CTNNA2: variants seen among roughly 807,000 people sequenced by gnomAD.
CTNNA2 encodes the protein catenin alpha 2, also known as catenin alpha-2.
A neutral mutation model predicts 101.0 loss-of-function variants in CTNNA2; 42 were observed. That is an observed-to-expected ratio of 0.42 (90% CI 0.32 to 0.54). CTNNA2 has a LOEUF of 0.54. CTNNA2 is among the 20% of genes least tolerant of loss of function. The probability of loss-of-function intolerance (pLI) is 0.14; values close to 1 mark genes in which losing one functional copy is unlikely to be tolerated. For synonymous variants in CTNNA2, 450 were observed against 456.4 expected (o/e 0.99, Z 0.18); for missense variants, 871 against 1,223.1 (o/e 0.71, Z 4.29).
At chr2:79,260,652 G>T (rs551299217) in intron 2 of CTNNA2, among the ~76,000 whole-genome samples, 167 of 152,174 alleles carry the variant, frequency 1.1e-3, no homozygotes, top group African/African-American at 3.9e-3. Context: ...TTGTCTTCAG[G>T]TTCGCACATT....
intron 4 of CTNNA2, among the ~76,000 whole-genome samples, chr2:79,394,233 T>G (rs1678206162): frequency 6.6e-6 from 1 of 152,212 alleles, no homozygotes; most frequent in Non-Finnish European, 1.5e-5. Flanking sequence ...TCTCTGACAA[T>G]CACTGAGTTT....
intron 4 of CTNNA2, among the ~76,000 whole-genome samples, chr2:79,419,551 C>G (rs1184729078): frequency 6.6e-6 from 1 of 152,024 alleles, no homozygotes; most frequent in Non-Finnish European, 1.5e-5. Context: ...AAAGCCAAAA[C>G]TGCTCAAAAT....
chr2:80,356,234 G>C (rs1183131623), intron 7 of CTNNA2, among the ~76,000 whole-genome samples: 1 of 152,168 alleles, frequency 6.6e-6, no homozygotes, highest in Non-Finnish European at 1.5e-5. Flanking sequence ...AACCAGGTAA[G>C]TGGATTTAAC....
intron 18 of CTNNA2, 106 bp from the exon 19 acceptor site, chr2:80,647,479 T>G (rs1674234096): frequency 2.9e-6 from 3 of 1,026,260 alleles, no homozygotes; most frequent in African/African-American, 3.2e-5. Flanking sequence ...GCAATACTAT[T>G]TATTTGCACA....
chr2:80,041,466 G>C (rs1427222130), intron 7 of CTNNA2, among the ~76,000 whole-genome samples: 5 of 152,142 alleles, frequency 3.3e-5, no homozygotes, highest in Non-Finnish European at 7.4e-5. Context: ...AGGTTGAATA[G>C]AAAGCACCCA....
chr2:80,183,484 T>C (rs527330664), intron 7 of CTNNA2, among the ~76,000 whole-genome samples: 7 of 152,222 alleles, frequency 4.6e-5, no homozygotes, highest in Non-Finnish European at 1.0e-4. Context: ...ATATTCCTCT[T>C]TGATACATTC....
At chr2:79,717,265 T>C (rs1456863007) in intron 2 of CTNNA2, among the ~76,000 whole-genome samples, 1 of 152,190 alleles carries the variant, frequency 6.6e-6, no homozygotes, top group African/African-American at 2.4e-5. Context: ...ACAGGCTACC[T>C]TGGAAATAAG....
rs184745114 is a variant in CTNNA2 at position 79,689,724 on chromosome 2, T to C, written c.102+38066T>C. Among the ~76,000 whole-genome samples, 4 of 152,102 alleles carry C rather than the reference T, an allele frequency of 2.6e-5. 1 individual carries two copies. The highest frequency in any genetic ancestry group is 2.6e-4 in the Admixed American group (4 of 15,260). On this transcript the variant is annotated intron_variant, in intron 2 of 18. Coordinates refer to ENST00000402739, the MANE Select transcript of CTNNA2 (RefSeq NM_001282597.3). ...TCGATGTAATTATGCATTAATGTAA[T>C]ACTATAGAAATTAAATGACAAGATG... is the stretch of plus-strand genomic sequence containing the variant.
In CTNNA2 at chr2:80,439,679, G is replaced by A. The variant is rs1045386312; in HGVS notation, c.1290+20078G>A. On this transcript the variant is annotated intron_variant, in intron 9 of 18. Coordinates refer to ENST00000402739, the MANE Select transcript of CTNNA2 (RefSeq NM_001282597.3). ...GCCTCCCGAAATGCTGGGATTACAGGCATGAGCCACCACGCCAGGCCTTAT... is the reference window on the plus strand; with the variant it reads ...GCCTCCCGAAATGCTGGGATTACAGACATGAGCCACCACGCCAGGCCTTAT... 3.3e-5 allele frequency among the ~76,000 whole-genome samples: 5 copies of A among 152,184 alleles called. 1 individual carries two copies. The highest frequency in any genetic ancestry group is 1.2e-4 in the African/African-American group (5 of 41,448).
chr2:79,353,413 G>A (rs776612079), intron 3 of CTNNA2, among the ~76,000 whole-genome samples: 25 of 152,230 alleles, frequency 1.6e-4, no homozygotes, highest in Admixed American at 3.3e-4. Flanking sequence ...CCAAGGATGC[G>A]GACAATGTTA....
intron 4 of CTNNA2, among the ~76,000 whole-genome samples, chr2:79,412,613 A>G (rs1678428177): frequency 6.6e-6 from 1 of 152,048 alleles, no homozygotes; most frequent in South Asian, 2.1e-4. Flanking sequence ...GCTCAACTAC[A>G]TGGAAACTGA....
intron 2 of CTNNA2, among the ~76,000 whole-genome samples, chr2:79,742,350 TAA>T (rs112025910): frequency 2.0e-5 from 3 of 150,808 alleles, no homozygotes; most frequent in African/African-American, 7.3e-5. Context: ...TTGTGAAGTC[TAA>T]AAAAAAATAG....
intron 1 of CTNNA2, among the ~76,000 whole-genome samples, chr2:79,650,891 G>T (rs529769584): frequency 6.7e-6 from 1 of 150,204 alleles, no homozygotes; most frequent in South Asian, 2.1e-4. Context: ...GCGGTGTGTG[G>T]TTTTTTGTTC....
chr2:80,026,217 G>C (rs976261642), intron 7 of CTNNA2, among the ~76,000 whole-genome samples: 3 of 152,182 alleles, frequency 2.0e-5, no homozygotes, highest in Admixed American at 2.0e-4. Flanking sequence ...AGGAGCGTTT[G>C]AATGATTTTG....
chr2:79,457,426 GAA>G (rs1670837666), intron 4 of CTNNA2, among the ~76,000 whole-genome samples: 1 of 151,716 alleles, frequency 6.6e-6, no homozygotes, highest in Non-Finnish European at 1.5e-5. Flanking sequence ...TTTTCTAATA[GAA>G]AAAAATGAAA....
rs937955371 is a variant in CTNNA2, at chr2:79,912,005, C to G, written c.1056+2208C>G. ...AAAGTCTATTGTAGTTAACAGCAAA[C>G]AGTAAATCAGTCTATCGTTCCTGGG... On this transcript the variant is annotated intron_variant, in intron 7 of 18. Transcript: ENST00000402739. Among the ~76,000 whole-genome samples the G allele has an allele frequency of 3.9e-5, 6 of 152,172 alleles. No individual in the cohort carries two copies. In the East Asian group the frequency reaches 1.2e-3, roughly 29 times the overall value.
chr2:79,593,029 G>A (rs1018994774), intron 1 of CTNNA2, among the ~76,000 whole-genome samples: 4 of 152,176 alleles, frequency 2.6e-5, no homozygotes, highest in Non-Finnish European at 5.9e-5. Flanking sequence ...GGAGATTATC[G>A]TCCATCTGTG....
chr2:79,511,355 C>T (rs772161241), upstream of CTNNA2, among the ~76,000 whole-genome samples: 7 of 152,196 alleles, frequency 4.6e-5, no homozygotes, highest in Non-Finnish European at 7.3e-5. Context: ...TTCCTACCTA[C>T]TCCAGTCCAT....
rs145000368 is a variant in CTNNA2 at position 79,870,381 on chromosome 2, A to G, written c.585+446A>G. ...AGTATGTGGGGTGAAATTTTTCTGA[A>G]AGAGAAGAAGAAAACATGAACAAAA... On this transcript the variant is annotated intron_variant, in intron 5 of 18. Transcript: ENST00000402739. Among the ~76,000 whole-genome samples the G allele has an allele frequency of 7.9e-5, 12 of 152,006 alleles. No homozygotes were observed. The East Asian group carries it at 2.3e-3, about 30-fold the overall frequency.
Sources: allele counts gnomAD v4.1 joint callset (sites outside exome capture counted in the v4.1 genomes callset), GRCh38; gene constraint gnomAD v4.1.1; transcripts MANE v1.5; gene names NCBI Gene and HGNC (gene_info 2026-07-23, HGNC 2026-07-21).